TRAPPC6B: variants seen among roughly 807,000 people sequenced by gnomAD.
TRAPPC6B encodes the protein TRAPP complex subunit 6B.
Under a neutral mutation model 24.7 loss-of-function variants are expected in TRAPPC6B, and 27 were observed. The observed-to-expected ratio is 1.09, with a 90% CI of 0.81 to 1.51. TRAPPC6B has a LOEUF of 1.51. Ranked by LOEUF, TRAPPC6B falls within the 40% of genes most tolerant of loss-of-function variation. The pLI is 0.00. For missense variants in TRAPPC6B, 212 were observed against 190.8 expected (o/e 1.11, Z -0.66); for synonymous variants, 80 against 66.6 (o/e 1.20, Z -0.98).
At chr14:39,166,994 T>C (rs1476155382) in intron 1 of TRAPPC6B, among the ~76,000 whole-genome samples, 4 of 152,196 alleles carry the variant, frequency 2.6e-5, no homozygotes, top group Admixed American at 6.5e-5. Context: ...TCTCCTGTCT[T>C]GATAGATCAG....
At position 39,151,607 on chromosome 14, in the gene TRAPPC6B, TACTAC is replaced by T. The variant is rs539905529; in HGVS notation, c.445+134_445+138del. 3.8e-4 allele frequency: 233 copies of T among 605,662 alleles called. 5 individuals are homozygous for T. In the South Asian group the frequency reaches 4.2e-3, roughly 11 times the overall value. 37.5% of individuals were successfully genotyped at this position (605,662 alleles called of 1,614,324 possible). The stretch of plus-strand genomic sequence containing the variant: ...AAAATGAATGTAGTATGCTACATAT[TACTAC>T]ACTAAAGTGTTACATTGATAAAACT... On this transcript the variant is annotated intron_variant, in intron 5 of 5. Coordinates refer to ENST00000330149, the MANE Select transcript of TRAPPC6B (RefSeq NM_001079537.2).
chr14:39,159,597 G>C, intron 1 of TRAPPC6B, 47 bp from the exon 2 acceptor site: 3 of 1,356,880 alleles, frequency 2.2e-6, no homozygotes, highest in Non-Finnish European at 3.1e-6. Flanking sequence ...ATGCTAGGAT[G>C]TTAGTATTCA....
rs1409831994 is a variant in TRAPPC6B at position 39,150,099 on chromosome 14, G to C, written c.*251C>G. The C allele has an allele frequency of 8.0e-6, 3 of 375,278 alleles. No homozygotes were observed. The highest frequency in any genetic ancestry group is 1.4e-5 in the Non-Finnish European group (3 of 212,216). 23.2% of individuals were successfully genotyped at this position (375,278 alleles called of 1,614,324 possible). A position where few individuals can be genotyped will look rare whatever the true frequency, so the allele number is the denominator to read the frequency against. ...CATATCACTCTAACCAAATAAAAAG[G>C]TTTAAAATAAGGGCCCTGCATCTTG... On this transcript the variant is annotated 3_prime_UTR_variant, in exon 6 of 6. Transcript: ENST00000330149.
At chr14:39,157,837 C>T (rs1328830500) in intron 3 of TRAPPC6B, 1 of 199,088 alleles carries the variant, frequency 5.0e-6, no homozygotes, top group African/African-American at 2.3e-5. Context: ...GGCTAAAGAA[C>T]TTGACACCAA....
chr14:39,170,176 TC>T lies in TRAPPC6B; in HGVS notation c.-82del. The T allele has an allele frequency of 7.0e-7, 1 of 1,433,446 alleles. No homozygotes were observed. Among genetic ancestry groups the T allele is most frequent in the Non-Finnish European group, 9.7e-7 (1 of 1,030,456 alleles). 88.8% of individuals were successfully genotyped at this position (1,433,446 alleles called of 1,614,324 possible). On this transcript the variant is annotated 5_prime_UTR_variant, in exon 1 of 6. Coordinates refer to ENST00000330149, the MANE Select transcript of TRAPPC6B (RefSeq NM_001079537.2). The stretch of plus-strand genomic sequence containing the variant: ...GGTTCCAGCTCGCGCCTCAGCGACT[TC>T]GCCGGCGCCGCGGCTCCGTCAGGCC...
chr14:39,169,273 TATTTA>T (rs918361094), intron 1 of TRAPPC6B, among the ~76,000 whole-genome samples: 12 of 152,222 alleles, frequency 7.9e-5, no homozygotes, highest in African/African-American at 2.4e-4. Context: ...AGTATTATTT[TATTTA>T]ATTTATCTAG....
At chr14:39,168,655 A>G (rs2053133238) in intron 1 of TRAPPC6B, among the ~76,000 whole-genome samples, 1 of 152,070 alleles carries the variant, frequency 6.6e-6, no homozygotes, top group Non-Finnish European at 1.5e-5. Flanking sequence ...TAGTACCACC[A>G]TCCAACCCAG....
intron 3 of TRAPPC6B, chr14:39,156,848 C>G (rs762046295): frequency 1.3e-5 from 2 of 152,556 alleles, no homozygotes; most frequent in Non-Finnish European, 2.9e-5. Context: ...TGGTGGCTCA[C>G]GTCTGTACTC....
Position 39,158,511 on chromosome 14 carries a change from G to A in TRAPPC6B, c.150-109C>T, listed in dbSNP as rs559812628. The A allele has an allele frequency of 2.5e-4, 173 of 686,500 alleles. No individual in the cohort carries two copies. The African/African-American group carries it at 3.0e-3, about 12-fold the overall frequency. 42.5% of individuals were successfully genotyped at this position (686,500 alleles called of 1,614,324 possible). ...CAGAACAGCACTGAACATTTATTGG[G>A]TTTTTTAATTTTAATTTTTTTTTTG... On this transcript the variant is annotated intron_variant, in intron 2 of 5. Coordinates refer to ENST00000330149, the MANE Select transcript of TRAPPC6B (RefSeq NM_001079537.2).
chr14:39,162,256 G>A (rs2053067614), intron 1 of TRAPPC6B, among the ~76,000 whole-genome samples: 1 of 152,010 alleles, frequency 6.6e-6, no homozygotes, highest in South Asian at 2.1e-4. Context: ...AAATTCCTGG[G>A]TTCAAGCAAT....
At chr14:39,154,689 G>C (rs545052356) in intron 3 of TRAPPC6B, among the ~76,000 whole-genome samples, 1 of 151,950 alleles carries the variant, frequency 6.6e-6, no homozygotes, top group East Asian at 2.0e-4. Context: ...CGAAGTGCTG[G>C]GATTACAGGC....
chr14:39,166,200 A>G (rs1223052393), intron 1 of TRAPPC6B, among the ~76,000 whole-genome samples: 3 of 151,562 alleles, frequency 2.0e-5, no homozygotes, highest in African/African-American at 7.3e-5. Context: ...TCAGCCTTCC[A>G]AAGTGCTGGG....
chr14:39,168,287 C>G (rs989351719), intron 1 of TRAPPC6B, among the ~76,000 whole-genome samples: 4 of 149,500 alleles, frequency 2.7e-5, no homozygotes, highest in African/African-American at 9.8e-5. Flanking sequence ...GAACTGAATA[C>G]GCAAGTGGTT....
chr14:39,148,649 T>C lies in TRAPPC6B; in HGVS notation c.*1701A>G. Reference sequence around the variant, plus strand: ...TGTGTCATTAGCTATTCCTGGGTCATTATGACTTTTAATAAACTTTATACA... The same window carrying C: ...TGTGTCATTAGCTATTCCTGGGTCACTATGACTTTTAATAAACTTTATACA... On this transcript the variant is annotated 3_prime_UTR_variant, in exon 6 of 6. Transcript: ENST00000330149. The C allele has an allele frequency of 2.5e-6, 1 of 398,514 alleles. No homozygotes were observed. Among genetic ancestry groups the C allele is most frequent in the Non-Finnish European group, 4.4e-6 (1 of 225,992 alleles). The allele number at this position is 398,514 out of a possible 1,614,324, so 24.7% of individuals were successfully genotyped here.
intron 4 of TRAPPC6B, among the ~76,000 whole-genome samples, chr14:39,153,707 T>TC (rs1318426377): frequency 6.7e-6 from 1 of 150,270 alleles, no homozygotes; most frequent in African/African-American, 2.4e-5. Context: ...TTTTTTCTTT[T>TC]TTTTTTTTTT....
chr14:39,159,428 A>G lies in TRAPPC6B; in HGVS notation c.149+55T>C, dbSNP rs1026255948. 13 of 1,198,334 alleles carry G rather than the reference A, an allele frequency of 1.1e-5. No individual in the cohort carries two copies. The African/African-American group carries it at 1.7e-4, about 16-fold the overall frequency. 74.2% of individuals were successfully genotyped at this position (1,198,334 alleles called of 1,614,324 possible). On this transcript the variant is annotated intron_variant, in intron 2 of 5. Transcript: ENST00000330149. The stretch of plus-strand genomic sequence containing the variant: ...AGTTTTATGCAATCTTTTGAAATAG[A>G]TCACCTTTGTTTATAACCTACCTGC...
chr14:39,162,215 C>T lies in TRAPPC6B; in HGVS notation c.82-2665G>A, dbSNP rs367828761. ...TTGCTCTGTCGCCCAGGCTGCAGTG[C>T]ACTGGCGAGATCATGGTTCATTGAA... On this transcript the variant is annotated intron_variant, in intron 1 of 5. Coordinates refer to ENST00000330149, the MANE Select transcript of TRAPPC6B (RefSeq NM_001079537.2). Among the ~76,000 whole-genome samples the T allele has an allele frequency of 1.2e-4, 19 of 152,310 alleles. No individual in the cohort carries two copies. In the South Asian group the frequency reaches 3.9e-3, roughly 32 times the overall value.
chr14:39,159,593 G>A (rs747864942), intron 1 of TRAPPC6B, 43 bp from the exon 2 acceptor site: 9 of 1,385,588 alleles, frequency 6.5e-6, no homozygotes, highest in Non-Finnish European at 8.0e-6. Context: ...TAGAATGCTA[G>A]GATGTTAGTA....
Position 39,154,216 on chromosome 14 carries a change from A to G in TRAPPC6B, c.346T>C (p.Ser116Pro). ...ACTTCTATTCCATTAAATACCTTAG[A>G]TGCATGTTCTAAATACTGTTTTCCT... ...SAGKQYLEHA[S>P]KYLAFTCGLI... Residue 116 changes from serine (S) to proline (P), a missense_variant, in exon 4 of 6, where the codon TCT (serine) becomes CCT (proline). By Grantham distance (74) the Ser-to-Pro change is moderately conservative (BLOSUM62 -1). Coordinates refer to ENST00000330149, the MANE Select transcript of TRAPPC6B (RefSeq NM_001079537.2). 1 of 1,608,320 alleles carries G rather than the reference A, an allele frequency of 6.2e-7. No homozygotes were observed. The highest frequency in any genetic ancestry group is 1.3e-5 in the African/African-American group (1 of 74,876).
Sources: allele counts gnomAD v4.1 joint callset (sites outside exome capture counted in the v4.1 genomes callset), GRCh38; gene constraint gnomAD v4.1.1; transcripts MANE v1.5; gene names NCBI Gene and HGNC (gene_info 2026-07-23, HGNC 2026-07-21).